RBFOX1: variants seen among roughly 807,000 people sequenced by gnomAD.
RBFOX1 encodes RNA binding protein fox-1 homolog 1.
Under a neutral mutation model 57.7 loss-of-function variants are expected in RBFOX1, and 8 were observed. The ratio of observed to expected loss-of-function variants is 0.14; its 90% CI spans 0.08 to 0.25. RBFOX1 has a LOEUF of 0.25. Ranked by LOEUF, RBFOX1 falls within the 10% of genes least tolerant of loss-of-function variation. The probability of loss-of-function intolerance (pLI) is 1.00; values close to 1 mark genes in which losing one functional copy is unlikely to be tolerated. For missense variants in RBFOX1, 611 were observed against 548.5 expected (o/e 1.11, Z -1.14); for synonymous variants, 326 against 222.4 (o/e 1.47, Z -4.15).
intron 2 of RBFOX1, among the ~76,000 whole-genome samples, chr16:6,400,458 C>T (rs1259626342): frequency 6.6e-6 from 1 of 152,100 alleles, no homozygotes; most frequent in Non-Finnish European, 1.5e-5. Flanking sequence ...GAATGTATAG[C>T]TATAGATGCT....
intron 1 of RBFOX1, among the ~76,000 whole-genome samples, chr16:6,299,865 G>A (rs2078603083): frequency 6.6e-6 from 1 of 152,112 alleles, no homozygotes; most frequent in African/African-American, 2.4e-5. Context: ...AACCTCAGAT[G>A]GCTTCACTAG....
intron 3 of RBFOX1, among the ~76,000 whole-genome samples, chr16:6,887,650 G>C (rs2064397258): frequency 6.8e-6 from 1 of 147,708 alleles, no homozygotes; most frequent in Non-Finnish European, 1.5e-5. Context: ...GGTTGTTTTT[G>C]CTGTCTTTCC....
chr16:5,266,416 A>T (rs1400739770), intron 1 of RBFOX1, among the ~76,000 whole-genome samples: 1 of 152,156 alleles, frequency 6.6e-6, no homozygotes, highest in Non-Finnish European at 1.5e-5. Context: ...ATAAAGGACA[A>T]TGTCAGGTGA....
intron 2 of RBFOX1, among the ~76,000 whole-genome samples, chr16:6,339,137 A>T (rs561157109): frequency 5.9e-5 from 9 of 152,216 alleles, no homozygotes; most frequent in African/African-American, 1.7e-4. Flanking sequence ...TATTTTATGG[A>T]ATACTTACTG....
intron 10 of RBFOX1, among the ~76,000 whole-genome samples, chr16:7,610,139 T>TTTTTTTTTTTTTTTTTA (rs2057174916): frequency 7.8e-6 from 1 of 127,614 alleles, no homozygotes; most frequent in African/African-American, 3.1e-5. Flanking sequence ...TTTTTTTTTT[T>TTTTTTTTTTTTTTTTTA]GAGGCAGTTT....
chr16:6,060,069 T>A (rs2095663276), intron 1 of RBFOX1, among the ~76,000 whole-genome samples: 1 of 149,018 alleles, frequency 6.7e-6, no homozygotes, highest in East Asian at 2.0e-4. Flanking sequence ...ATAGGATACA[T>A]TGTTTAAAAA....
intron 3 of RBFOX1, among the ~76,000 whole-genome samples, chr16:6,892,683 A>AC (rs147067368): frequency 0.19 from 29,302 of 150,416 alleles, 3,037 homozygotes; most frequent in East Asian, 0.28. Flanking sequence ...AAACAAACAA[A>AC]AAAGCCTGAG....
intron 4 of RBFOX1, among the ~76,000 whole-genome samples, chr16:7,347,672 A>T (rs2097041577): frequency 6.6e-6 from 1 of 152,152 alleles, no homozygotes; most frequent in Non-Finnish European, 1.5e-5. Flanking sequence ...AGAGACTATC[A>T]GTCTCTGCAA....
rs550223766 is a variant in RBFOX1 at position 6,894,247 on chromosome 16, A to G, written c.-15-157810A>G. Among the ~76,000 whole-genome samples the G allele has an allele frequency of 3.3e-5, 5 of 152,298 alleles. No homozygotes were observed. In the South Asian group the frequency reaches 6.2e-4, roughly 19 times the overall value. On this transcript the variant is annotated intron_variant, in intron 3 of 15. Transcript: ENST00000550418. ...TTTTCTGTCACAGATGGCATTGGTC[A>G]TTGGTCATTTCAGCACAGTTTCATA...
At chr16:6,981,042 C>CAAAAAAAAAAAAAAAAAA (rs36117809) in intron 3 of RBFOX1, among the ~76,000 whole-genome samples, 5 of 77,426 alleles carry the variant, frequency 6.5e-5, no homozygotes, top group South Asian at 5.8e-4. Flanking sequence ...GTCTCAGTCT[C>CAAAAAAAAAAAAAAAAAA]AAAAAAAAAA....
intron 3 of RBFOX1, among the ~76,000 whole-genome samples, chr16:6,936,734 G>A (rs933736546): frequency 6.6e-6 from 1 of 152,152 alleles, no homozygotes; most frequent in African/African-American, 2.4e-5. Flanking sequence ...TACAGCTAGA[G>A]GTAGGGTAAT....
chr16:7,180,649 T>G (rs1602050083), intron 4 of RBFOX1, among the ~76,000 whole-genome samples: 2 of 151,890 alleles, frequency 1.3e-5, no homozygotes, highest in East Asian at 3.9e-4. Flanking sequence ...TGCAAAAGAT[T>G]TACTTGGGGA....
chr16:6,521,103 G>A (rs565445021), intron 2 of RBFOX1, among the ~76,000 whole-genome samples: 9 of 152,256 alleles, frequency 5.9e-5, no homozygotes, highest in African/African-American at 2.2e-4. Context: ...AATCAGGCAG[G>A]TGGGAAGCAG....
intron 3 of RBFOX1, chr16:6,722,015 T>C (rs1568352449): frequency 1.3e-5 from 2 of 152,502 alleles, no homozygotes; most frequent in Admixed American, 6.5e-5. Flanking sequence ...TTCCTTCCTA[T>C]TTAAGGTTAA....
intron 3 of RBFOX1, among the ~76,000 whole-genome samples, chr16:7,029,929 T>G (rs1267223373): frequency 6.6e-6 from 1 of 152,106 alleles, no homozygotes. Flanking sequence ...AATGGGAGAT[T>G]TGGAGAATGG....
At chr16:6,988,731 A>ATTTTTTTTTTTTTTTTTTTTTTT (rs111959126) in intron 3 of RBFOX1, among the ~76,000 whole-genome samples, 2 of 91,302 alleles carry the variant, frequency 2.2e-5, no homozygotes, top group African/African-American at 5.3e-5. Flanking sequence ...CACCCAGCTA[A>ATTTTTTTTTTTTTTTTTTTTTTT]TTTTTTTTTT....
intron 4 of RBFOX1, among the ~76,000 whole-genome samples, chr16:7,188,710 A>T (rs1365797613): frequency 6.6e-6 from 1 of 152,170 alleles, no homozygotes; most frequent in Non-Finnish European, 1.5e-5. Context: ...TGCAGTCTTC[A>T]TTTCTACCAT....
At chr16:6,692,710 A>G (rs954659391) in intron 3 of RBFOX1, among the ~76,000 whole-genome samples, 4 of 151,898 alleles carry the variant, frequency 2.6e-5, no homozygotes, top group South Asian at 2.1e-4. Flanking sequence ...TGCCTACTAT[A>G]TACTCCAAGT....
rs74895216 is a variant in RBFOX1, at chr16:7,689,730, C to G, written c.995+12892C>G. 8.3e-3 allele frequency among the ~76,000 whole-genome samples: 1,259 copies of G among 151,996 alleles called. 18 individuals carry two copies. Among genetic ancestry groups the G allele is most frequent in the African/African-American group, 0.028 (1,179 of 41,456 alleles). On this transcript the variant is annotated intron_variant, in intron 14 of 15. Coordinates refer to ENST00000550418, the MANE Select transcript of RBFOX1 (RefSeq NM_018723.4). ...GCCAACTCAAAGAAAAATGGAAAAA[C>G]CCAAGCAAGGATGATCTTGAGTAAA...
Sources: allele counts gnomAD v4.1 joint callset (sites outside exome capture counted in the v4.1 genomes callset), GRCh38; gene constraint gnomAD v4.1.1; transcripts MANE v1.5; gene names NCBI Gene and HGNC (gene_info 2026-07-23, HGNC 2026-07-21).